Variants in NRG1 observed in about 807,000 individuals in gnomAD.
NRG1 encodes neuregulin 1.
Under a neutral mutation model 63.8 loss-of-function variants are expected in NRG1, and 18 were observed. That is an observed-to-expected ratio of 0.28 (90% CI 0.19 to 0.42). The LOEUF is 0.42. Among genes scored for constraint, NRG1 ranks in the 10% least tolerant of loss-of-function variants. The pLI, the probability that NRG1 is intolerant of heterozygous loss-of-function variation, is 1.00. For synonymous variants in NRG1, 302 were observed against 301.3 expected (o/e 1.00, Z -0.02); for missense variants, 762 against 814.7 (o/e 0.94, Z 0.79).
intron 1 of NRG1, among the ~76,000 whole-genome samples, chr8:32,414,039 T>G (rs1360639581): frequency 2.6e-5 from 4 of 152,080 alleles, no homozygotes; most frequent in Non-Finnish European, 5.9e-5. Context: ...CTGAAGGTTC[T>G]AGGAGGTTTG....
intron 1 of NRG1, among the ~76,000 whole-genome samples, chr8:32,344,063 A>C (rs918013206): frequency 6.6e-6 from 1 of 152,196 alleles, no homozygotes; most frequent in Non-Finnish European, 1.5e-5. Context: ...CTTCAACACA[A>C]GGTAACTTAG....
intron 1 of NRG1, among the ~76,000 whole-genome samples, chr8:32,445,019 G>A (rs1231335723): frequency 1.3e-5 from 2 of 152,146 alleles, no homozygotes; most frequent in Non-Finnish European, 2.9e-5. Context: ...TAGCCATTAT[G>A]GGATGTTTTG....
At chr8:32,669,103 A>G (rs1165384736) in intron 5 of NRG1, among the ~76,000 whole-genome samples, 1 of 152,224 alleles carries the variant, frequency 6.6e-6, no homozygotes, top group Non-Finnish European at 1.5e-5. Flanking sequence ...GCCTTAAAAC[A>G]TCTCTGCCAT....
chr8:31,906,125 C>T (rs1400604268), intron 1 of NRG1, among the ~76,000 whole-genome samples: 1 of 152,158 alleles, frequency 6.6e-6, no homozygotes, highest in Non-Finnish European at 1.5e-5. Flanking sequence ...CTCAAGGTCT[C>T]CCATGTGACT....
intron 1 of NRG1, among the ~76,000 whole-genome samples, chr8:31,903,335 G>C (rs1276581533): frequency 6.6e-6 from 1 of 151,592 alleles, no homozygotes; most frequent in African/African-American, 2.4e-5. Context: ...ATTTTTAGTA[G>C]AGACGGGATT....
intron 1 of NRG1, among the ~76,000 whole-genome samples, chr8:31,757,154 A>G (rs911254661): frequency 4.6e-5 from 7 of 152,156 alleles, no homozygotes; most frequent in African/African-American, 1.7e-4. Flanking sequence ...GGCTGTCTCA[A>G]TACTGGAAAT....
intron 1 of NRG1, among the ~76,000 whole-genome samples, chr8:32,487,958 G>A (rs1436003298): frequency 1.3e-5 from 2 of 152,266 alleles, no homozygotes; most frequent in African/African-American, 4.8e-5. Flanking sequence ...GGGTACAAAG[G>A]CAGCTCATGG....
At chr8:31,906,386 G>A (rs1048098927) in intron 1 of NRG1, among the ~76,000 whole-genome samples, 2 of 152,158 alleles carry the variant, frequency 1.3e-5, no homozygotes, top group Non-Finnish European at 2.9e-5. Context: ...CAGGTACGAT[G>A]TAGGAGGGAC....
intron 1 of NRG1, among the ~76,000 whole-genome samples, chr8:32,219,427 C>T (rs1046982401): frequency 3.3e-5 from 5 of 152,174 alleles, no homozygotes; most frequent in South Asian, 2.1e-4. Context: ...TGCTCCACCA[C>T]GAATACATGC....
chr8:32,616,380 G>C (rs1473168644), intron 4 of NRG1, among the ~76,000 whole-genome samples: 1 of 152,092 alleles, frequency 6.6e-6, no homozygotes, highest in African/African-American at 2.4e-5. Context: ...GATCCAAGTT[G>C]CCTGGAAATA....
chr8:32,042,239 G>T (rs2130690362), intron 1 of NRG1, among the ~76,000 whole-genome samples: 1 of 152,134 alleles, frequency 6.6e-6, no homozygotes, highest in Non-Finnish European at 1.5e-5. Flanking sequence ...GCGGCCAGGA[G>T]TTTGAGACCA....
chr8:32,251,304 A>T (rs1415443563), intron 1 of NRG1, among the ~76,000 whole-genome samples: 3 of 151,852 alleles, frequency 2.0e-5, no homozygotes, highest in Non-Finnish European at 4.4e-5. Flanking sequence ...AAGAATATGC[A>T]GTGTTTGTTT....
chr8:32,571,027 C>T (rs951605314), intron 1 of NRG1, among the ~76,000 whole-genome samples: 1 of 152,082 alleles, frequency 6.6e-6, no homozygotes, highest in Non-Finnish European at 1.5e-5. Context: ...ATATAGATGT[C>T]CACATGAACT....
At chr8:32,648,910 C>G (rs1854316402) in intron 5 of NRG1, among the ~76,000 whole-genome samples, 1 of 152,120 alleles carries the variant, frequency 6.6e-6, no homozygotes, top group African/African-American at 2.4e-5. Context: ...TTAATTGGTT[C>G]TTTGAGATTA....
chr8:32,014,772 T>G (rs1433114623), intron 1 of NRG1, among the ~76,000 whole-genome samples: 1 of 149,274 alleles, frequency 6.7e-6, no homozygotes, highest in Non-Finnish European at 1.5e-5. Flanking sequence ...AATGTGACCT[T>G]AATTGGAAAT....
At chr8:32,328,603 A>G (rs1802285096) in intron 1 of NRG1, among the ~76,000 whole-genome samples, 1 of 152,134 alleles carries the variant, frequency 6.6e-6, no homozygotes, top group Admixed American at 6.5e-5. Flanking sequence ...GAGTATGTAC[A>G]GCAAAAGTAA....
intron 1 of NRG1, among the ~76,000 whole-genome samples, chr8:31,793,150 G>T (rs1004785893): frequency 1.3e-5 from 2 of 152,092 alleles, no homozygotes; most frequent in African/African-American, 4.8e-5. Flanking sequence ...ATAACTCAAG[G>T]TCTGTTTTTT....
chr8:32,466,839 T>C (rs1269773252), intron 1 of NRG1, among the ~76,000 whole-genome samples: 13 of 152,044 alleles, frequency 8.6e-5, no homozygotes, highest in Non-Finnish European at 1.5e-5. Context: ...ACTCCTCTAT[T>C]CATATAATAG....
At chr8:31,962,462 A>G (rs182195729) in intron 1 of NRG1, among the ~76,000 whole-genome samples, 83 of 152,304 alleles carry the variant, frequency 5.4e-4, no homozygotes, top group Admixed American at 5.4e-3. Flanking sequence ...GTTAGTAACT[A>G]ATAAACTAAT....
Sources: allele counts gnomAD v4.1 joint callset (sites outside exome capture counted in the v4.1 genomes callset), GRCh38; gene constraint gnomAD v4.1.1; transcripts MANE v1.5; gene names NCBI Gene and HGNC (gene_info 2026-07-23, HGNC 2026-07-21).